The following DLGAP1 variants were observed in gnomAD, a reference collection of about 807,000 sequenced individuals.
DLGAP1 encodes DLG associated protein 1.
A neutral mutation model predicts 90.8 loss-of-function variants in DLGAP1; 11 were observed. That is an observed-to-expected ratio of 0.12 (90% CI 0.08 to 0.20). The LOEUF (loss-of-function observed/expected upper bound fraction) is 0.20. Ranked by LOEUF, DLGAP1 falls within the 10% of genes least tolerant of loss-of-function variation. The pLI, the probability that DLGAP1 is intolerant of heterozygous loss-of-function variation, is 1.00. For missense variants in DLGAP1, 1,050 were observed against 1,333.8 expected (o/e 0.79, Z 3.31); for synonymous variants, 558 against 540.7 (o/e 1.03, Z -0.44).
chr18:4,341,407 T>C (rs1015725725), intron 1 of DLGAP1, among the ~76,000 whole-genome samples: 1 of 152,122 alleles, frequency 6.6e-6, no homozygotes, highest in Admixed American at 6.6e-5. Flanking sequence ...ATGAACACCA[T>C]AGTAATCAAT....
intron 5 of DLGAP1, among the ~76,000 whole-genome samples, chr18:3,792,510 G>A (rs369761334): frequency 9.9e-5 from 15 of 151,508 alleles, no homozygotes; most frequent in Admixed American, 5.9e-4. Context: ...CTGCCTTGGC[G>A]TCATACTGAT....
chr18:3,499,244 C>T lies in DLGAP1; in HGVS notation c.2875G>A (p.Ala959Thr). Reference protein sequence around the residue: ...KRAASVRQNSATESAESIEIY... With the variant: ...KRAASVRQNSTTESAESIEIY... ...TCGATGCTCTCGGCGCTCTCGGTGG[C>T]CGAGTTCTGGCGGACGGACGCGGCG... The change falls in exon 13 of 13, where the codon GCC becomes ACC. Residue 959 changes from alanine to threonine, a missense_variant. By Grantham distance (58) the Ala-to-Thr change is moderately conservative (BLOSUM62 0). Around this residue, in one of 2 missense-constraint regions of DLGAP1, gnomAD observed 565 missense variants for 879.7 expected, o/e 0.64. Coordinates refer to ENST00000315677, the MANE Select transcript of DLGAP1 (RefSeq NM_004746.4). This position sits in a 1 kb window ranked among gnomAD's most constrained non-coding sequence, Gnocchi z 6.4. 6.3e-7 allele frequency: 1 copy of T among 1,589,320 alleles called. No homozygotes were observed. The highest frequency in any genetic ancestry group is 2.3e-5 in the East Asian group (1 of 43,356).
intron 1 of DLGAP1, among the ~76,000 whole-genome samples, chr18:4,380,513 T>C (rs75471625): frequency 6.6e-6 from 1 of 152,148 alleles, no homozygotes; most frequent in Non-Finnish European, 1.5e-5. Context: ...CCCTTTACTA[T>C]AGATGATCTA....
chr18:3,846,524 T>C (rs1157546299), intron 4 of DLGAP1, among the ~76,000 whole-genome samples: 1 of 152,104 alleles, frequency 6.6e-6, no homozygotes. Context: ...TTATTCACAA[T>C]AGTCAAAAAG....
chr18:3,623,833 T>C (rs972205094), intron 7 of DLGAP1, among the ~76,000 whole-genome samples: 2 of 151,044 alleles, frequency 1.3e-5, no homozygotes, highest in Admixed American at 1.3e-4. Flanking sequence ...TCCCGTTGCT[T>C]CCCTGCTAAT....
chr18:3,942,018 G>A (rs1427521383), intron 3 of DLGAP1, among the ~76,000 whole-genome samples: 1 of 152,190 alleles, frequency 6.6e-6, no homozygotes, highest in East Asian at 1.9e-4. Flanking sequence ...AATTTGAGAT[G>A]ATGATGAAAA....
intron 3 of DLGAP1, among the ~76,000 whole-genome samples, chr18:3,963,850 C>T (rs530795359): frequency 8.6e-5 from 13 of 151,918 alleles, no homozygotes; most frequent in Admixed American, 2.6e-4. Context: ...CCCTAGATTT[C>T]GAAGACTTTG....
chr18:4,384,802 T>C (rs979812738), intron 1 of DLGAP1, among the ~76,000 whole-genome samples: 1 of 151,974 alleles, frequency 6.6e-6, no homozygotes, highest in East Asian at 1.9e-4. Flanking sequence ...CAAACAAAAA[T>C]CTATCTTATT....
chr18:4,422,652 T>C (rs73943532), intron 1 of DLGAP1, among the ~76,000 whole-genome samples: 10,215 of 152,084 alleles, frequency 0.067, 698 homozygotes, highest in African/African-American at 0.17. Flanking sequence ...AAAATAAATT[T>C]GAAATATTTA....
rs903860882 is a variant in DLGAP1, at chr18:3,565,340, G to A, written c.2057+2150C>T. Among the ~76,000 whole-genome samples, 11 of 151,872 alleles carry A rather than the reference G, an allele frequency of 7.2e-5. No individual in the cohort carries two copies. The highest frequency in any genetic ancestry group is 2.1e-4 in the South Asian group (1 of 4,802). On this transcript the variant is annotated intron_variant, in intron 9 of 12. Transcript: ENST00000315677. The surrounding 1 kb of genome is among the most constrained non-coding windows in gnomAD (Gnocchi z 4.0). Reference sequence around the variant, plus strand: ...ATTTTTGTAATTTTTTAGTAGAGACGGGTTTCACCATGTTGGTCAGGCTGG... The same window carrying A: ...ATTTTTGTAATTTTTTAGTAGAGACAGGTTTCACCATGTTGGTCAGGCTGG...
At position 3,498,721 on chromosome 18, in the gene DLGAP1, A is replaced by C; in HGVS notation, c.*464T>G. On this transcript the variant is annotated 3_prime_UTR_variant, in exon 13 of 13. Transcript: ENST00000315677. ...TTTAAAAGAATAACCATTTAGGGGAAATAAAGGGAATCGGAGGCCTAGTTT... is the reference window on the plus strand; with the variant it reads ...TTTAAAAGAATAACCATTTAGGGGACATAAAGGGAATCGGAGGCCTAGTTT... 6.4e-6 allele frequency: 1 copy of C among 155,760 alleles called. No homozygotes were observed. The highest frequency in any genetic ancestry group is 1.4e-5 in the Non-Finnish European group (1 of 70,284). The allele number at this position is 155,760 out of a possible 1,614,324, so 9.6% of individuals were successfully genotyped here.
At chr18:3,793,052 T>G (rs1341239583) in intron 5 of DLGAP1, among the ~76,000 whole-genome samples, 1 of 152,078 alleles carries the variant, frequency 6.6e-6, no homozygotes, top group Non-Finnish European at 1.5e-5. Flanking sequence ...AGCTCACAAG[T>G]GCGGCGCTGT....
In DLGAP1 at chr18:4,151,261, A is replaced by T. The variant is rs2076671151; in HGVS notation, c.-240T>A. 6.6e-6 allele frequency: 1 copy of T among 152,076 alleles called. No homozygotes were observed. The highest frequency in any genetic ancestry group is 6.6e-5 in the Admixed American group (1 of 15,256). 9.4% of individuals were successfully genotyped at this position (152,076 alleles called of 1,614,324 possible). On this transcript the variant is annotated 5_prime_UTR_variant, in exon 2 of 13. Coordinates refer to ENST00000315677, the MANE Select transcript of DLGAP1 (RefSeq NM_004746.4). ...GCAGGCTTTTTTTTAACCTGATGTC[A>T]CTCTGGGTATCTGATGTTCAACTGC...
At chr18:4,020,374 T>C (rs1180171271) in intron 2 of DLGAP1, among the ~76,000 whole-genome samples, 1 of 152,246 alleles carries the variant, frequency 6.6e-6, no homozygotes, top group African/African-American at 2.4e-5. Flanking sequence ...AATAATTCTA[T>C]GCTTTTAAAA....
intron 9 of DLGAP1, among the ~76,000 whole-genome samples, chr18:3,538,873 C>T (rs2052531473): frequency 6.6e-6 from 1 of 152,218 alleles, no homozygotes; most frequent in Non-Finnish European, 1.5e-5. Flanking sequence ...ACCCGCATTC[C>T]TAACAGCCAT....
Position 3,755,946 on chromosome 18 carries a change from T to C in DLGAP1, c.1173-13434A>G, listed in dbSNP as rs1275241940. 9.2e-5 allele frequency among the ~76,000 whole-genome samples: 14 copies of C among 152,218 alleles called. No individual in the cohort carries two copies. The East Asian group carries it at 1.9e-3, about 21-fold the overall frequency. ...ACAAGCCTGAATAAATTTTAGAAGATTGAAAGTAGACAAAGTATGTTCAGT... is the reference window on the plus strand; with the variant it reads ...ACAAGCCTGAATAAATTTTAGAAGACTGAAAGTAGACAAAGTATGTTCAGT... On this transcript the variant is annotated intron_variant, in intron 5 of 12. Transcript: ENST00000315677.
At chr18:4,224,248 T>C (rs780469674) in intron 1 of DLGAP1, among the ~76,000 whole-genome samples, 2 of 152,228 alleles carry the variant, frequency 1.3e-5, no homozygotes, top group Non-Finnish European at 2.9e-5. Context: ...GACTCTGAGA[T>C]GTGCTGACTT....
At chr18:4,382,048 C>G (rs574379768) in intron 1 of DLGAP1, among the ~76,000 whole-genome samples, 41 of 152,200 alleles carry the variant, frequency 2.7e-4, no homozygotes, top group Admixed American at 6.5e-4. Flanking sequence ...AAGACTTGCC[C>G]CCATGATTCA....
intron 1 of DLGAP1, among the ~76,000 whole-genome samples, chr18:4,270,444 T>C (rs1277450452): frequency 6.6e-6 from 1 of 152,198 alleles, no homozygotes; most frequent in Admixed American, 6.5e-5. Flanking sequence ...GACAGATGAT[T>C]TGTTACTTTA....
Sources: gnomAD v4.1 joint callset for allele counts (sites outside exome capture counted in the v4.1 genomes callset) on GRCh38, gnomAD v4.1.1 for gene constraint, gnomAD v4.1.1 regional missense constraint, Gnocchi (gnomAD v3.1) non-coding constraint, MANE v1.5 for transcripts, NCBI Gene and HGNC (gene_info 2026-07-23, HGNC 2026-07-21) for gene names.